The following TOP1MT variants were observed in gnomAD, a reference collection of about 807,000 sequenced individuals.
TOP1MT encodes DNA topoisomerase I mitochondrial.
A neutral mutation model predicts 73.9 loss-of-function variants in TOP1MT; 80 were observed. The ratio of observed to expected loss-of-function variants is 1.08; its 90% CI spans 0.90 to 1.30. TOP1MT has a LOEUF of 1.30. TOP1MT is among the 50% of genes most tolerant of loss of function. The pLI is 0.00. For synonymous variants in TOP1MT, 338 were observed against 326.4 expected, an observed-to-expected ratio of 1.04 and a Z score of -0.38; for missense variants, 815 against 808.0, an observed-to-expected ratio of 1.01 and a Z score of -0.10.
intron 10 of TOP1MT, 61 bp from the exon 11 acceptor site, chr8:143,316,187 C>G: frequency 6.2e-7 from 1 of 1,610,934 alleles, no homozygotes. Context: ...CCTGTCTGCC[C>G]TGAGCCGGCC....
intron 7 of TOP1MT, among the ~76,000 whole-genome samples, chr8:143,321,660 A>G (rs975020210): frequency 4.0e-4 from 40 of 99,806 alleles, no homozygotes; most frequent in East Asian, 1.6e-3. Context: ...GGCACGCCAC[A>G]CACACGCACG....
chr8:143,349,210 T>C (rs1423021245), upstream of TOP1MT, among the ~76,000 whole-genome samples: 1 of 152,114 alleles, frequency 6.6e-6, no homozygotes, highest in Admixed American at 6.5e-5. Flanking sequence ...AAACTCATTA[T>C]ACAAATTGAG....
At chr8:143,311,991 AG>A (rs1166435628) in intron 12 of TOP1MT, among the ~76,000 whole-genome samples, 1 of 152,184 alleles carries the variant, frequency 6.6e-6, no homozygotes, top group Non-Finnish European at 1.5e-5. Context: ...CGTCTCCCAA[AG>A]AAAAGCCCAG....
At chr8:143,352,799 A>T (rs2130467552) in intron 1 of TOP1MT, among the ~76,000 whole-genome samples, 1 of 152,246 alleles carries the variant, frequency 6.6e-6, no homozygotes, top group South Asian at 2.1e-4. Context: ...TGATTTTTAA[A>T]TTTTTCGTCA....
At chr8:143,347,946 G>A (rs981073834), upstream of TOP1MT, among the ~76,000 whole-genome samples, 3 of 152,216 alleles carry the variant, frequency 2.0e-5, no homozygotes, top group Non-Finnish European at 4.4e-5. Flanking sequence ...TCCCCACGCT[G>A]AGGAGGGTGA....
chr8:143,316,202 C>G lies in TOP1MT; in HGVS notation c.1331-76G>C, dbSNP rs371327526. On this transcript the variant is annotated intron_variant, in intron 10 of 13. Coordinates refer to ENST00000329245, the MANE Select transcript of TOP1MT (RefSeq NM_052963.3). ...CCTGTCTGCCCTGAGCCGGCCTTAA[C>G]GCGCCACACAGCGCAGCCCCTTCCA... 1.4e-5 allele frequency: 22 copies of G among 1,604,646 alleles called. No individual in the cohort carries two copies. In the South Asian group the frequency reaches 2.3e-4, roughly 17 times the overall value.
At chr8:143,355,281 ACTTAAAACGACACAATT>A (rs1245535854) in intron 1 of TOP1MT, 2 of 152,228 alleles carry the variant, frequency 1.3e-5, no homozygotes, top group African/African-American at 4.8e-5. Flanking sequence ...TGGAAACCTT[ACTTAAAACGACACAATT>A]AGCTCAAACG....
chr8:143,310,271 G>A, intron 12 of TOP1MT, 54 bp from the exon 13 acceptor site: 2 of 1,383,202 alleles, frequency 1.4e-6, no homozygotes, highest in African/African-American at 2.9e-5. Flanking sequence ...CGCCACCTGA[G>A]GAGACCTGCA....
At chr8:143,312,954 T>C (rs1816051325) in intron 12 of TOP1MT, among the ~76,000 whole-genome samples, 1 of 152,196 alleles carries the variant, frequency 6.6e-6, no homozygotes, top group Admixed American at 6.5e-5. Context: ...CGTTGGCACC[T>C]GTGGTCCCAG....
chr8:143,333,595 G>A lies in TOP1MT; in HGVS notation c.122+1145C>T, dbSNP rs949303727. Among the ~76,000 whole-genome samples, 4 of 152,326 alleles carry A rather than the reference G, an allele frequency of 2.6e-5. No homozygotes were observed. In the East Asian group the frequency reaches 5.8e-4, roughly 22 times the overall value. On this transcript the variant is annotated intron_variant, in intron 1 of 13. Coordinates refer to ENST00000329245, the MANE Select transcript of TOP1MT (RefSeq NM_052963.3). ...AAACAACCTGCCGGCCAGCGGCCAGGCAGGGCTGCACCACTGGGTGTGCGC... is the reference window on the plus strand; with the variant it reads ...AAACAACCTGCCGGCCAGCGGCCAGACAGGGCTGCACCACTGGGTGTGCGC...
chr8:143,342,198 A>G (rs1401291843), intron 2 of TOP1MT, among the ~76,000 whole-genome samples: 1 of 11,474 alleles, frequency 8.7e-5, no homozygotes, highest in East Asian at 2.3e-3. Context: ...TCTCGCTGTT[A>G]TTATTATTAT....
At chr8:143,351,498 T>G (rs1817319922) in intron 1 of TOP1MT, among the ~76,000 whole-genome samples, 1 of 151,184 alleles carries the variant, frequency 6.6e-6, no homozygotes, top group South Asian at 2.1e-4. Context: ...GAGAATCACT[T>G]GAGCCTGGAA....
chr8:143,325,879 A>C (rs999380878), intron 4 of TOP1MT, among the ~76,000 whole-genome samples: 1 of 152,246 alleles, frequency 6.6e-6, no homozygotes, highest in African/African-American at 2.4e-5. Flanking sequence ...TGGAGATCAC[A>C]GCACGGCAGG....
upstream of TOP1MT, among the ~76,000 whole-genome samples, chr8:143,335,822 C>T (rs1402986839): frequency 6.6e-6 from 1 of 152,262 alleles, no homozygotes; most frequent in African/African-American, 2.4e-5. Flanking sequence ...CGACCCTCCC[C>T]TGCCACCAAC....
chr8:143,321,979 G>GCACGCCACACACATGCACGCCACACA (rs1816426203), intron 7 of TOP1MT, among the ~76,000 whole-genome samples: 1 of 35,668 alleles, frequency 2.8e-5, no homozygotes, highest in Non-Finnish European at 5.2e-5. Context: ...CTCACCACAC[G>GCACGCCACACACATGCACGCCACACA]CACGCCACAC....
chr8:143,356,284 C>T (rs1361026776), upstream of TOP1MT, among the ~76,000 whole-genome samples: 1 of 152,214 alleles, frequency 6.6e-6, no homozygotes, highest in African/African-American at 2.4e-5. Context: ...AACCAGTAAC[C>T]AACCCTCCCA....
At position 143,321,337 on chromosome 8, in the gene TOP1MT, G is replaced by C. The variant is rs1482717203; in HGVS notation, c.1010C>G (p.Thr337Ser). 3 of 1,601,692 alleles carry C rather than the reference G, an allele frequency of 1.9e-6. No homozygotes were observed. Among genetic ancestry groups the C allele is most frequent in the East Asian group, 2.2e-5 (1 of 44,584 alleles). ...CACGCGGAGGGAACAGCAGCCCACG[G>C]TGTCGGCCGCCTCACCGTCCTCCTT... ...NEKEDGEAAD[T>S]VGCCSLRVEH... The change falls in exon 8 of 14, where the codon ACC becomes AGC. Residue 337 changes from threonine (T) to serine (S), a missense_variant. Transcript: ENST00000329245.
upstream of TOP1MT, among the ~76,000 whole-genome samples, chr8:143,356,989 G>A (rs1817420686): frequency 6.6e-6 from 1 of 150,998 alleles, no homozygotes; most frequent in Admixed American, 6.6e-5. Flanking sequence ...AGCTACTCGG[G>A]AGGCTGAGGC....
In TOP1MT at chr8:143,309,790, C is replaced by T. The variant is rs1037256395; in HGVS notation, c.1704-247G>A. The T allele has an allele frequency of 6.5e-6, 10 of 1,533,506 alleles. No individual in the cohort carries two copies. In the Admixed American group the frequency reaches 2.0e-4, roughly 30 times the overall value. 95.0% of individuals were successfully genotyped at this position (1,533,506 alleles called of 1,614,324 possible). ...CCGAGCAGGGCGCTCAGCCACCTCCCACTCCCTGTGGGCAGGCTGAGCTCC... is the reference window on the plus strand; with the variant it reads ...CCGAGCAGGGCGCTCAGCCACCTCCTACTCCCTGTGGGCAGGCTGAGCTCC... On this transcript the variant is annotated intron_variant, in intron 13 of 13. Coordinates refer to ENST00000329245, the MANE Select transcript of TOP1MT (RefSeq NM_052963.3).
Sources: gnomAD v4.1 joint callset for allele counts (sites outside exome capture counted in the v4.1 genomes callset) on GRCh38, gnomAD v4.1.1 for gene constraint, MANE v1.5 for transcripts, NCBI Gene and HGNC (gene_info 2026-07-23, HGNC 2026-07-21) for gene names.